Variants in MAD1L1 observed in about 807,000 individuals in gnomAD.
MAD1L1 encodes mitotic arrest deficient 1 like 1, also known as mitotic spindle assembly checkpoint protein MAD1.
Under a neutral mutation model 96.9 loss-of-function variants are expected in MAD1L1, and 95 were observed. That is an observed-to-expected ratio of 0.98 (90% CI 0.83 to 1.16). The LOEUF is 1.16. Ranked by LOEUF, MAD1L1 falls within the 50% of genes most tolerant of loss-of-function variation. MAD1L1 has a pLI of 0.00. For synonymous variants in MAD1L1, 473 were observed against 396.6 expected (o/e 1.19, Z -2.29); for missense variants, 1,007 against 954.4 (o/e 1.06, Z -0.73).
At chr7:1,870,178 G>C (rs1424945610) in intron 18 of MAD1L1, among the ~76,000 whole-genome samples, 1 of 152,078 alleles carries the variant, frequency 6.6e-6, no homozygotes, top group Non-Finnish European at 1.5e-5. Context: ...ATCCGGCCTA[G>C]TTGGTGCCCA....
intron 10 of MAD1L1, among the ~76,000 whole-genome samples, chr7:2,208,466 C>A (rs1456529407): frequency 6.6e-6 from 1 of 152,128 alleles, no homozygotes; most frequent in Non-Finnish European, 1.5e-5. Flanking sequence ...GAACAGACAC[C>A]CTGCCTGGTC....
At chr7:2,005,732 T>G (rs981934092) in intron 13 of MAD1L1, among the ~76,000 whole-genome samples, 1 of 151,826 alleles carries the variant, frequency 6.6e-6, no homozygotes, top group African/African-American at 2.4e-5. Context: ...GACCAAGAGG[T>G]TGAGGCTGCA....
intron 17 of MAD1L1, among the ~76,000 whole-genome samples, chr7:1,922,249 C>T (rs976355073): frequency 3.9e-5 from 6 of 152,248 alleles, no homozygotes; most frequent in African/African-American, 9.6e-5. Flanking sequence ...GTCTTTACTG[C>T]GCTGCACCCC....
At chr7:1,946,995 C>T (rs933341447) in intron 16 of MAD1L1, among the ~76,000 whole-genome samples, 17 of 152,226 alleles carry the variant, frequency 1.1e-4, no homozygotes, top group Admixed American at 7.2e-4. Context: ...TCTGTTCCCA[C>T]TGTGAGTTCC....
At chr7:2,084,499 G>A (rs1017418859) in intron 11 of MAD1L1, among the ~76,000 whole-genome samples, 22 of 152,254 alleles carry the variant, frequency 1.4e-4, no homozygotes, top group Non-Finnish European at 2.6e-4. Context: ...CTGTGCTCAC[G>A]GAGGTCCCCA....
In MAD1L1 at chr7:1,924,607, A is replaced by G. The variant is rs150929157; in HGVS notation, c.1807+12080T>C. Among the ~76,000 whole-genome samples, 4 of 152,352 alleles carry G rather than the reference A, an allele frequency of 2.6e-5. No homozygotes were observed. In the East Asian group the frequency reaches 5.8e-4, roughly 22 times the overall value. Reference sequence around the variant, plus strand: ...AGCAAACGCTGAGAGAACCTACTCTAAAGAAGCCCCGAAGGAAGTCCTGCC... The same window carrying G: ...AGCAAACGCTGAGAGAACCTACTCTGAAGAAGCCCCGAAGGAAGTCCTGCC... On this transcript the variant is annotated intron_variant, in intron 17 of 18. Coordinates refer to ENST00000265854, the MANE Select transcript of MAD1L1 (RefSeq NM_001013836.2).
chr7:1,925,457 G>A (rs1035814977), intron 17 of MAD1L1, among the ~76,000 whole-genome samples: 9 of 152,164 alleles, frequency 5.9e-5, no homozygotes, highest in Non-Finnish European at 7.3e-5. Flanking sequence ...TGGCAAGTCC[G>A]AGATCAAGGC....
chr7:2,212,078 A>G (rs766437843), intron 10 of MAD1L1, among the ~76,000 whole-genome samples: 3 of 151,572 alleles, frequency 2.0e-5, no homozygotes, highest in Non-Finnish European at 3.0e-5. Flanking sequence ...TCCAGACCAG[A>G]GCTGCCAGGA....
At position 1,933,115 on chromosome 7, in the gene MAD1L1, T is replaced by G. The variant is rs185141157; in HGVS notation, c.1807+3572A>C. 3.2e-4 allele frequency among the ~76,000 whole-genome samples: 48 copies of G among 152,214 alleles called. 1 individual carries two copies. The highest frequency in any genetic ancestry group is 5.7e-4 in the Non-Finnish European group (39 of 68,016). On this transcript the variant is annotated intron_variant, in intron 17 of 18. Coordinates refer to ENST00000265854, the MANE Select transcript of MAD1L1 (RefSeq NM_001013836.2). Reference sequence around the variant, plus strand: ...GGTTCCCTCCCCGCTGACGCTGTGTTTCTCTGCGTTTCGCTGTGCTCTGTT... The same window carrying G: ...GGTTCCCTCCCCGCTGACGCTGTGTGTCTCTGCGTTTCGCTGTGCTCTGTT...
chr7:1,902,647 C>T (rs1194784843), intron 17 of MAD1L1, among the ~76,000 whole-genome samples: 1 of 150,064 alleles, frequency 6.7e-6, no homozygotes, highest in Non-Finnish European at 1.5e-5. Context: ...AGAACCAGGT[C>T]GGCCGGGCTA....
intron 18 of MAD1L1, chr7:1,846,645 C>T (rs1783639854): frequency 3.8e-5 from 6 of 157,186 alleles, no homozygotes; most frequent in Admixed American, 3.6e-4. Flanking sequence ...AGTGCCCGGC[C>T]CCGTGCCCGT....
Position 2,219,411 on chromosome 7 carries a change from C to G in MAD1L1, c.517G>C (p.Val173Leu), listed in dbSNP as rs374019420. 2 of 1,612,980 alleles carry G rather than the reference C, an allele frequency of 1.2e-6. No individual in the cohort carries two copies. Among genetic ancestry groups the G allele is most frequent in the South Asian group, 1.1e-5 (1 of 90,708 alleles). The change falls in exon 6 of 19, where the codon GTG (valine) becomes CTG (leucine). Residue 173 changes from valine to leucine, a missense_variant. By Grantham distance (32) the Val-to-Leu change is conservative. Transcript: ENST00000265854. Reference sequence around the variant, plus strand: ...TTCACCCGCATCTCCTGGTCCATCACGCTCCACTGCAGTTCCGAGATCCTC... The same window carrying G: ...TTCACCCGCATCTCCTGGTCCATCAGGCTCCACTGCAGTTCCGAGATCCTC... ...KGRISELQWSVMDQEMRVKRL... is the reference protein window; with the variant it reads ...KGRISELQWSLMDQEMRVKRL...
intron 17 of MAD1L1, among the ~76,000 whole-genome samples, 193 bp from the exon 18 acceptor site, chr7:1,898,583 A>G (rs577160815): frequency 8.5e-5 from 13 of 152,310 alleles, no homozygotes; most frequent in South Asian, 2.1e-4. Context: ...GGGTGAGCTG[A>G]TAACGGCTGA....
chr7:2,216,313 A>G (rs1414092852), intron 7 of MAD1L1, 26 bp from the exon 8 acceptor site: 2 of 1,605,624 alleles, frequency 1.2e-6, no homozygotes, highest in Non-Finnish European at 1.7e-6. Context: ...GACAGAGAAG[A>G]AGGGAAAAAT....
chr7:2,231,601 C>A (rs1441659597), intron 1 of MAD1L1, among the ~76,000 whole-genome samples: 1 of 151,710 alleles, frequency 6.6e-6, no homozygotes, highest in Admixed American at 6.6e-5. Flanking sequence ...AGCAAGACTC[C>A]GTTTCAAAAA....
intron 17 of MAD1L1, among the ~76,000 whole-genome samples, chr7:1,899,276 C>T (rs904518248): frequency 2.0e-5 from 3 of 152,214 alleles, no homozygotes; most frequent in Non-Finnish European, 4.4e-5. Context: ...CGTTAATTAT[C>T]AGGACTGGCT....
chr7:1,874,624 C>A (rs1438491967), intron 18 of MAD1L1: 3 of 435,090 alleles, frequency 6.9e-6, no homozygotes, highest in Non-Finnish European at 9.1e-6. Context: ...CTTCATCGAT[C>A]GCCTGGTGGG....
At chr7:1,817,992 C>T (rs555055643) in intron 18 of MAD1L1, among the ~76,000 whole-genome samples, 11 of 150,014 alleles carry the variant, frequency 7.3e-5, no homozygotes, top group African/African-American at 2.7e-4. Context: ...TCCCCCTGCC[C>T]TCCCCCTGTT....
intron 18 of MAD1L1, among the ~76,000 whole-genome samples, chr7:1,829,044 G>A (rs1199672939): frequency 6.6e-6 from 1 of 152,110 alleles, no homozygotes; most frequent in African/African-American, 2.4e-5. Flanking sequence ...AAAGAAAAGC[G>A]CATACAAACA....
Sources: gnomAD v4.1 joint callset for allele counts (sites outside exome capture counted in the v4.1 genomes callset) on GRCh38, gnomAD v4.1.1 for gene constraint, MANE v1.5 for transcripts, NCBI Gene and HGNC (gene_info 2026-07-23, HGNC 2026-07-21) for gene names.